ZNF541: variants seen among roughly 807,000 people sequenced by gnomAD.
ZNF541 encodes the protein zinc finger protein 541.
Under a neutral mutation model 123.5 loss-of-function variants are expected in ZNF541, and 23 were observed. The observed-to-expected ratio is 0.19, with a 90% CI of 0.13 to 0.26. The LOEUF (loss-of-function observed/expected upper bound fraction) is 0.26. Ranked by LOEUF, ZNF541 falls within the 10% of genes least tolerant of loss-of-function variation. The pLI is 1.00. For synonymous variants in ZNF541, 751 were observed against 754.5 expected (o/e 1.00, Z 0.08); for missense variants, 1,612 against 1,789.9 (o/e 0.90, Z 1.79).
intron 2 of ZNF541, among the ~76,000 whole-genome samples, chr19:47,569,325 G>A (rs890164973): frequency 6.6e-6 from 1 of 151,970 alleles, no homozygotes; most frequent in South Asian, 2.1e-4. Flanking sequence ...GTAATCACTT[G>A]TATGTCATCG....
chr19:47,549,211 GA>G, intron 4 of ZNF541, 33 bp downstream of exon 4: 1 of 1,550,966 alleles, frequency 6.4e-7, no homozygotes. Context: ...CCCAGCCCCT[GA>G]ACAGACGTTT....
chr19:47,521,188 C>T lies in ZNF541; in HGVS notation c.*36G>A. ...GAGAGGCCGAAGGGAGGAGGGGCAG[C>T]ACTGGAGGCCCCATTCGGACTTGCT... On this transcript the variant is annotated 3_prime_UTR_variant, in exon 17 of 17. Coordinates refer to ENST00000391901, the MANE Select transcript of ZNF541 (RefSeq NM_001277075.3). This position sits in a 1 kb window ranked among gnomAD's most constrained non-coding sequence, Gnocchi z 4.2. The T allele has an allele frequency of 6.5e-7, 1 of 1,544,566 alleles. No individual in the cohort carries two copies. Among genetic ancestry groups the T allele is most frequent in the Non-Finnish European group, 8.8e-7 (1 of 1,142,808 alleles).
chr19:47,546,110 C>T (rs1600021053), intron 4 of ZNF541, 130 bp from the exon 5 acceptor site: 1 of 733,716 alleles, frequency 1.4e-6, no homozygotes, highest in Non-Finnish European at 2.0e-6. Context: ...TCAGCCCCCA[C>T]GAGGAAAGAC....
intron 7 of ZNF541, 22 bp from the exon 8 acceptor site, chr19:47,539,900 T>C: frequency 6.6e-7 from 1 of 1,519,594 alleles, no homozygotes; most frequent in Non-Finnish European, 8.8e-7. Context: ...AGAGAAGAGA[T>C]GGCTCTTTAA....
chr19:47,533,778 G>A (rs1969692756), intron 9 of ZNF541, among the ~76,000 whole-genome samples: 1 of 152,130 alleles, frequency 6.6e-6, no homozygotes, highest in South Asian at 2.1e-4. Flanking sequence ...GAGGCAGAGT[G>A]AGCCGAGACT....
Position 47,521,265 on chromosome 19 carries a change from C to T in ZNF541, c.4000G>A (p.Glu1334Lys), listed in dbSNP as rs1969011597. The change falls in exon 17 of 17, where the codon GAA becomes AAA. Residue 1334 changes from glutamate to lysine, a missense_variant. Glu to Lys is a moderately conservative substitution (Grantham distance 56). Coordinates refer to ENST00000391901, the MANE Select transcript of ZNF541 (RefSeq NM_001277075.3). This position sits in a 1 kb window ranked among gnomAD's most constrained non-coding sequence, Gnocchi z 4.2. ...KWPVKPFQLK[E>K]EELGADIGPL... ...CCGATGTCAGCTCCCAGCTCCTCTT[C>T]CTTTAGCTGGAAGGGCTTCACTGGC... The T allele has an allele frequency of 6.4e-7, 1 of 1,551,754 alleles. No homozygotes were observed. Among genetic ancestry groups the T allele is most frequent in the South Asian group, 1.2e-5 (1 of 84,066 alleles).
At chr19:47,526,085 T>C (rs1479539256) in intron 14 of ZNF541, among the ~76,000 whole-genome samples, 2 of 152,116 alleles carry the variant, frequency 1.3e-5, no homozygotes, top group Admixed American at 1.3e-4. Context: ...AAGACATTGT[T>C]AAGAGATTAA....
In ZNF541 at chr19:47,521,681, G is replaced by A. The variant is rs1969038040; in HGVS notation, c.3712-27C>T. Reference sequence around the variant, plus strand: ...TGCAGAGGGAGCAAAAGTGACATAAGGGTGCTGACCTGTCCTGCTGTAAGA... The same window carrying A: ...TGCAGAGGGAGCAAAAGTGACATAAAGGTGCTGACCTGTCCTGCTGTAAGA... On this transcript the variant is annotated intron_variant, in intron 15 of 16. Coordinates refer to ENST00000391901, the MANE Select transcript of ZNF541 (RefSeq NM_001277075.3). This position sits in a 1 kb window ranked among gnomAD's most constrained non-coding sequence, Gnocchi z 4.2. 3 of 1,550,336 alleles carry A rather than the reference G, an allele frequency of 1.9e-6. No homozygotes were observed. The highest frequency in any genetic ancestry group is 1.7e-6 in the Non-Finnish European group (2 of 1,146,216).
At chr19:47,564,948 A>G (rs1971205572) in intron 2 of ZNF541, among the ~76,000 whole-genome samples, 1 of 152,182 alleles carries the variant, frequency 6.6e-6, no homozygotes, top group African/African-American at 2.4e-5. Context: ...AAAGAAATAT[A>G]TATATGATGG....
In ZNF541 at chr19:47,539,786, G is replaced by A. The variant is rs566408486; in HGVS notation, c.2715C>T (p.Asp905=). 88 of 1,484,938 alleles carry A rather than the reference G, an allele frequency of 5.9e-5. No individual in the cohort carries two copies. The highest frequency in any genetic ancestry group is 7.1e-6 in the Non-Finnish European group (8 of 1,125,788). The allele number at this position is 1,484,938 out of a possible 1,614,324, so 92.0% of individuals were successfully genotyped here. A position where few individuals can be genotyped will look rare whatever the true frequency, so the allele number is the denominator to read the frequency against. Residue 905 remains aspartate (D), a synonymous_variant, in exon 8 of 17, where the codon GAC becomes GAT. Transcript: ENST00000391901. ...CCACCAAAGGGGCTGCAGCTGTGGG[G>A]TCCAAGGGCTTCTTGGTTCCTGGGG... ...HSPPGTKKPL[D]PTAAAPLVVP...
intron 9 of ZNF541, among the ~76,000 whole-genome samples, chr19:47,534,217 C>T (rs1969712281): frequency 6.6e-6 from 1 of 151,976 alleles, no homozygotes; most frequent in Admixed American, 6.6e-5. Context: ...AACTTGAAGA[C>T]AGATCAGTAG....
intron 12 of ZNF541, among the ~76,000 whole-genome samples, chr19:47,530,991 G>C (rs1374324336): frequency 6.6e-6 from 1 of 152,126 alleles, no homozygotes; most frequent in Non-Finnish European, 1.5e-5. Context: ...TAAACCAAGC[G>C]TGGAGCCCCT....
intron 2 of ZNF541, among the ~76,000 whole-genome samples, chr19:47,571,467 C>T (rs1971475926): frequency 1.3e-5 from 2 of 152,186 alleles, no homozygotes; most frequent in Admixed American, 1.3e-4. Context: ...GAAGGTTTCA[C>T]CTAAGGATAG....
Position 47,532,930 on chromosome 19 carries a change from T to A in ZNF541, c.3137A>T (p.Asp1046Val). 6.4e-7 allele frequency: 1 copy of A among 1,550,516 alleles called. No homozygotes were observed. Among genetic ancestry groups the A allele is most frequent in the Non-Finnish European group, 8.7e-7 (1 of 1,146,382 alleles). ...GSFGICVVKD[D>V]TKISIEPHIN... ...TTACGGCTCAATGCTGATTTTGGTG[T>A]CATCCTTCACCACACAGATGCCAAA... is the stretch of plus-strand genomic sequence containing the variant. The change falls in exon 10 of 17, where the codon GAC becomes GTC. Residue 1046 changes from aspartate to valine, a missense_variant. Transcript: ENST00000391901.
In ZNF541 at chr19:47,555,690, G is replaced by A; in HGVS notation, c.167C>T (p.Pro56Leu). 6.4e-7 allele frequency: 1 copy of A among 1,551,754 alleles called. No homozygotes were observed. The highest frequency in any genetic ancestry group is 8.7e-7 in the Non-Finnish European group (1 of 1,147,016). ...GGACATGTCAGGCGTTGGGAGGCTG[G>A]GGTCCGGGTCCAGACCACTCAGGCC... ...YAGLSGLDPD[P>L]SLPTPDMSSE... Residue 56 changes from proline (P) to leucine (L), a missense_variant, in exon 3 of 17, where the codon CCC becomes CTC. Coordinates refer to ENST00000391901, the MANE Select transcript of ZNF541 (RefSeq NM_001277075.3).
Position 47,529,563 on chromosome 19 carries a change from C to A in ZNF541, c.3481+14G>T. On this transcript the variant is annotated intron_variant, in intron 13 of 16. Coordinates refer to ENST00000391901, the MANE Select transcript of ZNF541 (RefSeq NM_001277075.3). ...CAGCTGGGCCAAACCAGCTCAGCAGCCTTTCCCCGTCACCTGTGTAGCGAT... is the reference window on the plus strand; with the variant it reads ...CAGCTGGGCCAAACCAGCTCAGCAGACTTTCCCCGTCACCTGTGTAGCGAT... The A allele has an allele frequency of 6.4e-7, 1 of 1,551,566 alleles. No homozygotes were observed. The highest frequency in any genetic ancestry group is 8.7e-7 in the Non-Finnish European group (1 of 1,146,892).
chr19:47,540,136 A>G (rs1448103046), intron 7 of ZNF541, 40 bp downstream of exon 7: 36 of 1,532,188 alleles, frequency 2.3e-5, no homozygotes, highest in Non-Finnish European at 2.8e-5. Flanking sequence ...GGCCTGCCAG[A>G]AACCCAGTAA....
chr19:47,541,473 A>G (rs1443238236), intron 5 of ZNF541, among the ~76,000 whole-genome samples: 1 of 152,210 alleles, frequency 6.6e-6, no homozygotes, highest in East Asian at 1.9e-4. Context: ...ATCATAAATA[A>G]AGTGAAAAGA....
In ZNF541 at chr19:47,527,776, C is replaced by T. The variant is rs7253719; in HGVS notation, c.3570+1174G>A. ...GTGCAGTGGCGAGATCTTGGCTCAC[C>T]GCAACCTCCGCTTCCCGGGTTCAAG... On this transcript the variant is annotated intron_variant, in intron 14 of 16. Transcript: ENST00000391901. Among the ~76,000 whole-genome samples the T allele has an allele frequency of 4.0e-5, 6 of 151,618 alleles. No homozygotes were observed. In the East Asian group the frequency reaches 5.9e-4, roughly 15 times the overall value.
Sources: allele counts gnomAD v4.1 joint callset (sites outside exome capture counted in the v4.1 genomes callset), GRCh38; gene constraint gnomAD v4.1.1; non-coding constraint Gnocchi (gnomAD v3.1); transcripts MANE v1.5; gene names NCBI Gene and HGNC (gene_info 2026-07-23, HGNC 2026-07-21).